Variants in CPNE4 observed in about 807,000 individuals in gnomAD.
CPNE4 encodes copine 4, also known as copine-4.
CPNE4 carries 25 observed loss-of-function variants against 67.9 expected under a neutral mutation model. The observed-to-expected ratio is 0.37, with a 90% CI of 0.27 to 0.51. The LOEUF (loss-of-function observed/expected upper bound fraction) is 0.51, where lower values mean the gene tolerates loss of function less well. Ranked by LOEUF, CPNE4 falls within the 20% of genes least tolerant of loss-of-function variation. The pLI is 0.93. For missense variants in CPNE4, 464 were observed against 690.8 expected (o/e 0.67, Z 3.68); for synonymous variants, 242 against 244.9 (o/e 0.99, Z 0.11).
chr3:131,572,508 G>A (rs1014025675), intron 10 of CPNE4, among the ~76,000 whole-genome samples: 6 of 151,988 alleles, frequency 3.9e-5, no homozygotes, highest in East Asian at 3.9e-4. Flanking sequence ...GCTGCCTCTC[G>A]TTGGTCAAAT....
intron 1 of CPNE4, chr3:132,017,311 AAG>A (rs1277321350): frequency 1.3e-5 from 2 of 152,156 alleles, no homozygotes; most frequent in Non-Finnish European, 1.5e-5. Context: ...GAAGGGAAGA[AAG>A]AGAAGGAGAG....
intron 6 of CPNE4, among the ~76,000 whole-genome samples, chr3:131,678,182 T>A (rs2080637547): frequency 6.6e-6 from 1 of 152,196 alleles, no homozygotes; most frequent in Admixed American, 6.5e-5. Context: ...TGTCACTCTT[T>A]TTTTTTAGTA....
At chr3:131,717,014 T>G (rs936574034) in intron 3 of CPNE4, among the ~76,000 whole-genome samples, 3 of 152,216 alleles carry the variant, frequency 2.0e-5, no homozygotes, top group Non-Finnish European at 4.4e-5. Context: ...AGGACCTTCT[T>G]TTTACTCTGG....
At chr3:131,806,321 C>T (rs760165435) in intron 2 of CPNE4, among the ~76,000 whole-genome samples, 5 of 152,080 alleles carry the variant, frequency 3.3e-5, no homozygotes, top group African/African-American at 7.2e-5. Flanking sequence ...GAGCCCGAGG[C>T]GGGTAGATCA....
At chr3:131,763,455 C>T (rs59629476) in intron 2 of CPNE4, among the ~76,000 whole-genome samples, 168 of 152,184 alleles carry the variant, frequency 1.1e-3, no homozygotes, top group African/African-American at 3.9e-3. Context: ...TGATAGTCCT[C>T]AATGCAATAT....
chr3:132,035,547 T>C (rs1178430581), upstream of CPNE4: 11 of 152,194 alleles, frequency 7.2e-5, no homozygotes, highest in African/African-American at 2.2e-4. Context: ...ACAAATAAGA[T>C]AAAGAAATAC....
At chr3:131,884,760 A>G (rs2087813559) in intron 2 of CPNE4, among the ~76,000 whole-genome samples, 2 of 152,256 alleles carry the variant, frequency 1.3e-5, no homozygotes, top group South Asian at 4.2e-4. Context: ...TGGTTTTATC[A>G]GGGGTTTCCG....
At chr3:131,671,040 G>A (rs944473081) in intron 6 of CPNE4, among the ~76,000 whole-genome samples, 11 of 152,046 alleles carry the variant, frequency 7.2e-5, no homozygotes, top group Admixed American at 1.3e-4. Flanking sequence ...CACCCACCTC[G>A]GCCTCCCAGA....
intron 2 of CPNE4, among the ~76,000 whole-genome samples, chr3:131,835,479 A>T (rs1350046175): frequency 6.6e-6 from 1 of 152,084 alleles, no homozygotes; most frequent in Non-Finnish European, 1.5e-5. Flanking sequence ...CAGTGAGCCA[A>T]GTTCGTGCCA....
intron 7 of CPNE4, among the ~76,000 whole-genome samples, chr3:131,621,292 T>A (rs1940450595): frequency 6.6e-6 from 1 of 152,182 alleles, no homozygotes; most frequent in African/African-American, 2.4e-5. Context: ...TCATCCAGGC[T>A]GGAGTGCAGT....
At chr3:132,011,889 G>C (rs1019422519) in intron 1 of CPNE4, among the ~76,000 whole-genome samples, 2 of 152,102 alleles carry the variant, frequency 1.3e-5, no homozygotes, top group Admixed American at 6.5e-5. Context: ...TTCATATTCT[G>C]AATTTCCTTT....
chr3:131,650,677 G>A (rs1233160130), intron 7 of CPNE4, among the ~76,000 whole-genome samples: 1 of 139,698 alleles, frequency 7.2e-6, no homozygotes, highest in African/African-American at 3.2e-5. Flanking sequence ...CCCGGGAGGC[G>A]GAGCTTGCAG....
At chr3:132,021,744 T>C (rs2074001137) in intron 1 of CPNE4, among the ~76,000 whole-genome samples, 1 of 152,220 alleles carries the variant, frequency 6.6e-6, no homozygotes, top group South Asian at 2.1e-4. Context: ...GATCTTAATT[T>C]ACCTCAAACC....
chr3:131,924,797 G>A (rs1379235416), intron 1 of CPNE4, among the ~76,000 whole-genome samples: 2 of 152,130 alleles, frequency 1.3e-5, no homozygotes, highest in Admixed American at 1.3e-4. Context: ...GTAAACGTGA[G>A]TGTTATCAAC....
chr3:131,897,867 G>C (rs577016035), intron 2 of CPNE4, among the ~76,000 whole-genome samples: 151 of 151,882 alleles, frequency 9.9e-4, no homozygotes, highest in Admixed American at 2.4e-3. Flanking sequence ...ACTCCAACCT[G>C]GGCAACAGAG....
chr3:131,900,947 C>T (rs1049790448), intron 2 of CPNE4, among the ~76,000 whole-genome samples: 6 of 152,026 alleles, frequency 3.9e-5, no homozygotes, highest in Non-Finnish European at 7.4e-5. Flanking sequence ...AGAAAGATCT[C>T]AATGATTGTG....
intron 2 of CPNE4, among the ~76,000 whole-genome samples, chr3:131,806,549 CAAAAAAAAAAAA>C (rs58302207): frequency 1.4e-5 from 1 of 72,938 alleles, no homozygotes; most frequent in Admixed American, 1.4e-4. Flanking sequence ...GACTCCGTCT[CAAAAAAAAAAAA>C]AAAAAAAAGA....
rs1042626601 is a variant in CPNE4, at chr3:131,613,238, C to T, written c.682-25656G>A. 2.6e-5 allele frequency among the ~76,000 whole-genome samples: 4 copies of T among 152,342 alleles called. No homozygotes were observed. The East Asian group carries it at 7.7e-4, about 29-fold the overall frequency. On this transcript the variant is annotated intron_variant, in intron 7 of 15. Transcript: ENST00000429747. ...TTCTTACCAGAGGTTCTTCCTCCTA[C>T]TGACAACCTTAGTGAGCCTAAGTGA... is the stretch of plus-strand genomic sequence containing the variant.
chr3:131,729,568 A>T (rs2107758121), intron 2 of CPNE4, among the ~76,000 whole-genome samples: 1 of 152,312 alleles, frequency 6.6e-6, no homozygotes, highest in Non-Finnish European at 1.5e-5. Flanking sequence ...TCTCAAAATC[A>T]CTCAACAGAG....
Sources: allele counts gnomAD v4.1 joint callset (sites outside exome capture counted in the v4.1 genomes callset), GRCh38; gene constraint gnomAD v4.1.1; transcripts MANE v1.5; gene names NCBI Gene and HGNC (gene_info 2026-07-23, HGNC 2026-07-21).